Variants in CSMD2 observed in about 807,000 individuals in gnomAD.
The protein encoded by CSMD2 is CUB and sushi domain-containing protein 2.
Under a neutral mutation model 398.5 loss-of-function variants are expected in CSMD2, and 130 were observed. The observed-to-expected ratio is 0.33, with a 90% CI of 0.28 to 0.38. CSMD2 has a LOEUF of 0.38. CSMD2 is among the 10% of genes least tolerant of loss of function. CSMD2 has a pLI of 1.00. For synonymous variants in CSMD2, 1,828 were observed against 1,908.5 expected (o/e 0.96, Z 1.10); for missense variants, 3,829 against 4,764.9 (o/e 0.80, Z 5.78).
At chr1:33,785,813 CT>C (rs918393053) in intron 12 of CSMD2, among the ~76,000 whole-genome samples, 1 of 152,214 alleles carries the variant, frequency 6.6e-6, no homozygotes, top group African/African-American at 2.4e-5. Context: ...ATGTCCCTTT[CT>C]TTTCCAACAA....
intron 25 of CSMD2, among the ~76,000 whole-genome samples, chr1:33,676,246 G>T (rs1644706494): frequency 6.6e-6 from 1 of 152,170 alleles, no homozygotes; most frequent in Admixed American, 6.5e-5. Flanking sequence ...AAGCTGATAA[G>T]CAACTTCAGC....
rs369154691 is a variant in CSMD2, at chr1:33,756,870, C to T, written c.1847-13264G>A. Among the ~76,000 whole-genome samples the T allele has an allele frequency of 1.5e-4, 23 of 152,072 alleles. No individual in the cohort carries two copies. In the East Asian group the frequency reaches 2.1e-3, roughly 14 times the overall value. On this transcript the variant is annotated intron_variant, in intron 13 of 70. Coordinates refer to ENST00000373381, the MANE Select transcript of CSMD2 (RefSeq NM_001281956.2). ...GACACATGCACACGTATGTTTATTG[C>T]GGCATTATTCACAATAGCAAAGACT...
At chr1:33,825,667 C>CGGCAGGCG in intron 7 of CSMD2, 30 bp downstream of exon 7, 1 of 1,608,140 alleles carries the variant, frequency 6.2e-7, no homozygotes, top group Non-Finnish European at 8.5e-7. Flanking sequence ...GCAAGAGGCC[C>CGGCAGGCG]GGCAGGCGGG....
chr1:33,675,315 A>G (rs1216130679), intron 25 of CSMD2, among the ~76,000 whole-genome samples: 1 of 152,224 alleles, frequency 6.6e-6, no homozygotes, highest in African/African-American at 2.4e-5. Context: ...CTACCATCAG[A>G]GAATACTACA....
intron 31 of CSMD2, among the ~76,000 whole-genome samples, chr1:33,634,227 A>C (rs1642657666): frequency 6.6e-6 from 1 of 152,170 alleles, no homozygotes; most frequent in African/African-American, 2.4e-5. Context: ...CTATGGGTAG[A>C]GATGAGACTG....
chr1:34,088,885 C>A, intron 2 of CSMD2, 92 bp downstream of exon 2: 2 of 1,040,326 alleles, frequency 1.9e-6, no homozygotes, highest in South Asian at 1.4e-5. Flanking sequence ...TTGTTGATGA[C>A]CATAAACTTT....
chr1:34,025,949 G>A (rs12239106), intron 3 of CSMD2, among the ~76,000 whole-genome samples: 12,100 of 152,214 alleles, frequency 0.079, 894 homozygotes, highest in East Asian at 0.33. Context: ...GTGGGGCTGG[G>A]ATTGTGAACT....
In CSMD2 at chr1:33,671,615, T is replaced by C. The variant is rs12088560; in HGVS notation, c.4053-8523A>G. ...GCCCCCACCAACCAATAGCAGGCCC[T>C]AGCTAAGGGTGGACCCACCTGGCCC... is the stretch of plus-strand genomic sequence containing the variant. On this transcript the variant is annotated intron_variant, in intron 25 of 70. Coordinates refer to ENST00000373381, the MANE Select transcript of CSMD2 (RefSeq NM_001281956.2). Among the ~76,000 whole-genome samples, 1,375 of 152,182 alleles carry C rather than the reference T, an allele frequency of 9.0e-3. 19 individuals are homozygous for C. The highest frequency in any genetic ancestry group is 0.03 in the African/African-American group (1,231 of 41,526).
chr1:33,850,489 G>C (rs1019942826), intron 5 of CSMD2, among the ~76,000 whole-genome samples: 3 of 152,198 alleles, frequency 2.0e-5, no homozygotes, highest in Non-Finnish European at 2.9e-5. Flanking sequence ...GTACATGCAA[G>C]CATGAAGGAA....
chr1:33,579,525 C>T (rs1294424088), intron 48 of CSMD2, among the ~76,000 whole-genome samples: 1 of 151,944 alleles, frequency 6.6e-6, no homozygotes, highest in Non-Finnish European at 1.5e-5. Flanking sequence ...TTGGCTCTCC[C>T]CTGAAAGCTA....
At chr1:33,862,292 T>C (rs553808034) in intron 5 of CSMD2, 2 of 151,454 alleles carry the variant, frequency 1.3e-5, no homozygotes, top group African/African-American at 4.8e-5. Flanking sequence ...TTAATCTTCC[T>C]GGATCTTATC....
chr1:34,106,529 C>T (rs556493964), intron 1 of CSMD2, among the ~76,000 whole-genome samples: 1 of 152,204 alleles, frequency 6.6e-6, no homozygotes, highest in Non-Finnish European at 1.5e-5. Context: ...CTCAACCCTA[C>T]CACCCTTCCC....
chr1:34,049,963 C>T lies in CSMD2; in HGVS notation c.405-17257G>A, dbSNP rs111670622. 7.1e-4 allele frequency among the ~76,000 whole-genome samples: 108 copies of T among 152,282 alleles called. 1 individual carries two copies. Among genetic ancestry groups the T allele is most frequent in the Admixed American group, 1.8e-3 (27 of 15,302 alleles). On this transcript the variant is annotated intron_variant, in intron 2 of 70. Coordinates refer to ENST00000373381, the MANE Select transcript of CSMD2 (RefSeq NM_001281956.2). ...AGACCCCTTTCTCTGCCTCTCTTGC[C>T]GACCCTGTCTGCAATGTGAAGATGC...
chr1:33,775,951 A>C (rs1651909240), intron 12 of CSMD2, among the ~76,000 whole-genome samples: 2 of 152,202 alleles, frequency 1.3e-5, no homozygotes, highest in Admixed American at 6.5e-5. Flanking sequence ...TGCTGCAGGG[A>C]AGTTTACATA....
rs1022444075 is a variant in CSMD2 at position 33,542,602 on chromosome 1, A to G, written c.9277+118T>C. On this transcript the variant is annotated intron_variant, in intron 58 of 70. Coordinates refer to ENST00000373381, the MANE Select transcript of CSMD2 (RefSeq NM_001281956.2). ...GAGGCTATTCATATGATTATCGTTC[A>G]GGTTCAAGTCCGACCATCCCAACCA... 15 of 850,576 alleles carry G rather than the reference A, an allele frequency of 1.8e-5. No individual in the cohort carries two copies. The East Asian group carries it at 4.0e-4, about 23-fold the overall frequency. 52.7% of individuals were successfully genotyped at this position (850,576 alleles called of 1,614,324 possible). A position where few individuals can be genotyped will look rare whatever the true frequency, so the allele number is the denominator to read the frequency against.
At chr1:33,660,530 C>T (rs954649704) in intron 26 of CSMD2, among the ~76,000 whole-genome samples, 1 of 152,206 alleles carries the variant, frequency 6.6e-6, no homozygotes, top group African/African-American at 2.4e-5. Context: ...ATAAAGTTAA[C>T]ATGGGGTGAG....
intron 1 of CSMD2, among the ~76,000 whole-genome samples, chr1:34,109,612 A>C (rs1180355681): frequency 6.6e-6 from 1 of 152,202 alleles, no homozygotes; most frequent in Non-Finnish European, 1.5e-5. Flanking sequence ...AAGGGGAGAA[A>C]ATATCTGCAA....
At chr1:33,644,471 G>A (rs1048152104) in intron 29 of CSMD2, among the ~76,000 whole-genome samples, 8 of 152,186 alleles carry the variant, frequency 5.3e-5, no homozygotes, top group Admixed American at 3.3e-4. Flanking sequence ...GGGTCAAGTC[G>A]GAGGCAGCTC....
intron 67 of CSMD2, 92 bp from the exon 68 acceptor site, chr1:33,521,642 C>G (rs1244846264): frequency 2.4e-6 from 2 of 836,860 alleles, no homozygotes; most frequent in Admixed American, 3.6e-5. Flanking sequence ...AGCAGGTCAC[C>G]CACTGACCTG....
Sources: allele counts gnomAD v4.1 joint callset (sites outside exome capture counted in the v4.1 genomes callset), GRCh38; gene constraint gnomAD v4.1.1; transcripts MANE v1.5; gene names NCBI Gene and HGNC (gene_info 2026-07-23, HGNC 2026-07-21).